KCNAB1: variants seen among roughly 807,000 people sequenced by gnomAD.
KCNAB1 encodes voltage-gated potassium channel subunit beta-1.
KCNAB1 carries 35 observed loss-of-function variants against 64.6 expected under a neutral mutation model. The observed-to-expected ratio is 0.54, with a 90% CI of 0.41 to 0.72. The LOEUF (loss-of-function observed/expected upper bound fraction) is 0.72, where lower values mean the gene tolerates loss of function less well. Ranked by LOEUF, KCNAB1 falls within the 30% of genes least tolerant of loss-of-function variation. The pLI, the probability that KCNAB1 is intolerant of heterozygous loss-of-function variation, is 0.00. For synonymous variants in KCNAB1, 177 were observed against 183.8 expected (o/e 0.96, Z 0.30); for missense variants, 401 against 512.9 (o/e 0.78, Z 2.11).
chr3:156,196,148 A>G (rs1301065479), intron 1 of KCNAB1, among the ~76,000 whole-genome samples: 2 of 151,892 alleles, frequency 1.3e-5, no homozygotes, highest in East Asian at 1.9e-4. Flanking sequence ...TGGTGTATAT[A>G]TCTGTTTTGG....
At chr3:156,297,390 C>T (rs1720871664) in intron 1 of KCNAB1, among the ~76,000 whole-genome samples, 1 of 147,930 alleles carries the variant, frequency 6.8e-6, no homozygotes, top group South Asian at 2.1e-4. Context: ...CACGAGGGAA[C>T]ATCAGCAATG....
chr3:156,341,947 A>G (rs1724143290), intron 1 of KCNAB1, among the ~76,000 whole-genome samples: 1 of 152,092 alleles, frequency 6.6e-6, no homozygotes, highest in Non-Finnish European at 1.5e-5. Flanking sequence ...TACAACTATC[A>G]ATTTAAAAAA....
At chr3:156,237,513 C>T (rs374779879) in intron 1 of KCNAB1, among the ~76,000 whole-genome samples, 31 of 151,930 alleles carry the variant, frequency 2.0e-4, no homozygotes, top group African/African-American at 7.0e-4. Flanking sequence ...CTTTTGAATT[C>T]AACACCCCCA....
intron 1 of KCNAB1, among the ~76,000 whole-genome samples, chr3:156,251,166 C>T (rs2108464616): frequency 6.6e-6 from 1 of 152,314 alleles, no homozygotes; most frequent in East Asian, 1.9e-4. Flanking sequence ...AAAGAGAATA[C>T]TTGAGTATGC....
chr3:156,513,017 C>T (rs1401859567), intron 8 of KCNAB1, among the ~76,000 whole-genome samples: 2 of 152,202 alleles, frequency 1.3e-5, no homozygotes, highest in Non-Finnish European at 2.9e-5. Flanking sequence ...TCGAGACCAT[C>T]CTGGCTAACA....
intron 1 of KCNAB1, among the ~76,000 whole-genome samples, chr3:156,203,859 C>G (rs1243554097): frequency 1.3e-5 from 2 of 152,152 alleles, no homozygotes; most frequent in South Asian, 2.1e-4. Flanking sequence ...CAGCAAGTCT[C>G]TTTTATAGTT....
intron 1 of KCNAB1, among the ~76,000 whole-genome samples, chr3:156,225,188 C>G (rs1219620613): frequency 5.9e-5 from 9 of 152,124 alleles, no homozygotes; most frequent in Admixed American, 5.2e-4. Flanking sequence ...GCTAGGGAAC[C>G]AAGTCCAACA....
At chr3:156,130,729 T>A (rs1713946020) in intron 1 of KCNAB1, among the ~76,000 whole-genome samples, 1 of 152,246 alleles carries the variant, frequency 6.6e-6, no homozygotes, top group African/African-American at 2.4e-5. Context: ...ACCTTCACTT[T>A]CCACCACACT....
intron 1 of KCNAB1, among the ~76,000 whole-genome samples, chr3:156,397,107 G>A (rs1713520192): frequency 6.6e-6 from 1 of 152,188 alleles, no homozygotes; most frequent in African/African-American, 2.4e-5. Flanking sequence ...GGTAATCAGA[G>A]CAAGGCCTCC....
At chr3:156,368,232 G>A (rs1726072298) in intron 1 of KCNAB1, among the ~76,000 whole-genome samples, 1 of 152,128 alleles carries the variant, frequency 6.6e-6, no homozygotes, top group Non-Finnish European at 1.5e-5. Context: ...AAATTTAACT[G>A]GGCATTCTGT....
chr3:156,183,086 T>C (rs891942919), intron 1 of KCNAB1, among the ~76,000 whole-genome samples: 13 of 152,150 alleles, frequency 8.5e-5, no homozygotes, highest in South Asian at 2.1e-4. Flanking sequence ...ACTTCAAAAA[T>C]AACTAAATGT....
chr3:156,515,212 A>G lies in KCNAB1; in HGVS notation c.857A>G (p.His286Arg), dbSNP rs1717475027. Residue 286 changes from histidine to arginine, a missense_variant, in exon 10 of 14, where the codon CAC becomes CGC. Transcript: ENST00000490337. ...GAGGTCCAGCTGCCAGAGCTCTACC[A>G]CAAAATAGGTAATCTTCAAAATAAA... ...KVEVQLPELY[H>R]KIGVGAMTWS... is the part of the protein sequence containing the mutation. The G allele has an allele frequency of 6.2e-7, 1 of 1,608,800 alleles. No individual in the cohort carries two copies. Among genetic ancestry groups the G allele is most frequent in the South Asian group, 1.1e-5 (1 of 89,734 alleles).
At chr3:156,258,791 C>T (rs1170641679) in intron 1 of KCNAB1, among the ~76,000 whole-genome samples, 1 of 152,228 alleles carries the variant, frequency 6.6e-6, no homozygotes, top group African/African-American at 2.4e-5. Flanking sequence ...AGTGCTCTCT[C>T]TCCCCTTCCC....
chr3:156,404,744 T>G (rs193279597), intron 1 of KCNAB1, among the ~76,000 whole-genome samples: 461 of 152,312 alleles, frequency 3.0e-3, no homozygotes, highest in African/African-American at 0.011. Flanking sequence ...TCAGAGGTCC[T>G]TGCTGCTGAT....
intron 2 of KCNAB1, among the ~76,000 whole-genome samples, chr3:156,448,578 G>A (rs147723474): frequency 6.6e-6 from 1 of 152,236 alleles, no homozygotes; most frequent in African/African-American, 2.4e-5. Context: ...GCTTGCTGGA[G>A]GCATTTCAGC....
chr3:156,128,372 T>G (rs1713793064), intron 1 of KCNAB1, among the ~76,000 whole-genome samples: 1 of 152,178 alleles, frequency 6.6e-6, no homozygotes, highest in Admixed American at 6.6e-5. Context: ...GGTGATACTT[T>G]GTTTTGAAGT....
intron 7 of KCNAB1, among the ~76,000 whole-genome samples, chr3:156,469,439 A>G (rs1292286437): frequency 1.3e-5 from 2 of 151,464 alleles, no homozygotes; most frequent in Admixed American, 6.6e-5. Context: ...TTGTATTTTT[A>G]GTAGAGGCAG....
chr3:156,534,652 C>T (rs2108431633), intron 13 of KCNAB1, among the ~76,000 whole-genome samples: 1 of 152,274 alleles, frequency 6.6e-6, no homozygotes, highest in South Asian at 2.1e-4. Flanking sequence ...TAGCAAAATC[C>T]TACTCCATCC....
intron 1 of KCNAB1, among the ~76,000 whole-genome samples, chr3:156,392,668 A>C (rs954815862): frequency 1.3e-5 from 2 of 152,184 alleles, no homozygotes; most frequent in Non-Finnish European, 2.9e-5. Context: ...TTCTATTCTT[A>C]GTTTACCAAG....
Sources: gnomAD v4.1 joint callset for allele counts (sites outside exome capture counted in the v4.1 genomes callset) on GRCh38, gnomAD v4.1.1 for gene constraint, MANE v1.5 for transcripts, NCBI Gene and HGNC (gene_info 2026-07-23, HGNC 2026-07-21) for gene names.